Variants in DPP10 observed in about 807,000 individuals in gnomAD.
DPP10 encodes inactive dipeptidyl peptidase 10.
Under a neutral mutation model 120.9 loss-of-function variants are expected in DPP10, and 33 were observed. That is an observed-to-expected ratio of 0.27 (90% CI 0.21 to 0.37). The LOEUF (loss-of-function observed/expected upper bound fraction) is 0.37. Among genes scored for constraint, DPP10 ranks in the 10% least tolerant of loss-of-function variants. The pLI, the probability that DPP10 is intolerant of heterozygous loss-of-function variation, is 1.00. For synonymous variants in DPP10, 337 were observed against 326.1 expected (o/e 1.03, Z -0.36); for missense variants, 816 against 942.8 (o/e 0.87, Z 1.76).
At position 115,320,348 on chromosome 2, in the gene DPP10, T is replaced by G. The variant is rs374929879; in HGVS notation, c.175+10995T>G. Among the ~76,000 whole-genome samples, 68 of 152,300 alleles carry G rather than the reference T, an allele frequency of 4.5e-4. 2 individuals are homozygous for G. In the South Asian group the frequency reaches 0.014, roughly 31 times the overall value. ...AGAATTACATTTATTTACATTTAAT[T>G]TCTTAAAATGAAGTAATTGTTTCAT... is the stretch of plus-strand genomic sequence containing the variant. On this transcript the variant is annotated intron_variant, in intron 2 of 25. Coordinates refer to ENST00000410059, the MANE Select transcript of DPP10 (RefSeq NM_020868.6).
At chr2:115,309,577 A>G (rs2061497912) in intron 2 of DPP10, among the ~76,000 whole-genome samples, 1 of 152,128 alleles carries the variant, frequency 6.6e-6, no homozygotes, top group Non-Finnish European at 1.5e-5. Context: ...AAAATATGTA[A>G]GTTGAGAATG....
intron 1 of DPP10, among the ~76,000 whole-genome samples, chr2:115,009,858 A>G (rs935304302): frequency 3.9e-5 from 6 of 152,206 alleles, no homozygotes; most frequent in Middle Eastern, 3.2e-3. Flanking sequence ...CATGATGTAC[A>G]TTCACTACTC....
At chr2:115,624,933 C>G (rs2149295162) in intron 5 of DPP10, among the ~76,000 whole-genome samples, 1 of 152,172 alleles carries the variant, frequency 6.6e-6, no homozygotes, top group South Asian at 2.1e-4. Context: ...GGGGTTATAA[C>G]TGGTAAATCC....
chr2:114,984,683 T>C (rs1293927585), intron 1 of DPP10, among the ~76,000 whole-genome samples: 1 of 152,174 alleles, frequency 6.6e-6, no homozygotes. Flanking sequence ...AAGGAACCCA[T>C]CAGGCACCAT....
At chr2:115,506,012 C>T (rs66464531) in intron 4 of DPP10, among the ~76,000 whole-genome samples, 32,098 of 151,476 alleles carry the variant, frequency 0.21, 3,905 homozygotes, top group East Asian at 0.39. Flanking sequence ...TAATAAAACA[C>T]TCAGTGTTTT....
rs1369942484 is a variant in DPP10, at chr2:114,532,274, TATATATATATATATATATATATACAC to T, written c.60+89438_60+89463del. On this transcript the variant is annotated intron_variant, in intron 1 of 25. Transcript: ENST00000410059. ...AAATCTCCATATATATATATATATA[TATATATATATATATATATATATACAC>T]ACACACACACACACACAGATACACA... is the stretch of plus-strand genomic sequence containing the variant. Among the ~76,000 whole-genome samples, 192 of 43,832 alleles carry T rather than the reference TATATATATATATATATATATATACAC, an allele frequency of 4.4e-3. 1 individual carries two copies. The East Asian group carries it at 0.071, about 16-fold the overall frequency. The allele number at this position is 43,832 out of a possible 152,430, so 28.8% of individuals were successfully genotyped here.
chr2:115,283,278 C>T (rs957053626), intron 1 of DPP10, among the ~76,000 whole-genome samples: 2 of 151,918 alleles, frequency 1.3e-5, no homozygotes, highest in Non-Finnish European at 2.9e-5. Flanking sequence ...ACAGCTTAAA[C>T]CTGAATTTGT....
intron 1 of DPP10, among the ~76,000 whole-genome samples, chr2:114,497,392 C>T (rs1188728591): frequency 2.1e-4 from 28 of 130,656 alleles, no homozygotes; most frequent in African/African-American, 7.1e-4. Context: ...TATACATACA[C>T]ATACATATAC....
At chr2:115,317,530 T>C (rs562184650) in intron 2 of DPP10, among the ~76,000 whole-genome samples, 1 of 152,308 alleles carries the variant, frequency 6.6e-6, no homozygotes, top group South Asian at 2.1e-4. Flanking sequence ...TGTTTAAATG[T>C]CTGAAGAACT....
chr2:115,329,382 G>A (rs1172343811), intron 2 of DPP10, among the ~76,000 whole-genome samples: 2 of 152,042 alleles, frequency 1.3e-5, no homozygotes, highest in Admixed American at 6.6e-5. Flanking sequence ...TAAGGAGTAT[G>A]TATTATTAGG....
chr2:115,165,110 C>T (rs1024540240), intron 1 of DPP10, among the ~76,000 whole-genome samples: 1 of 152,176 alleles, frequency 6.6e-6, no homozygotes, highest in Non-Finnish European at 1.5e-5. Context: ...ACTCTAGTGG[C>T]TAATTGTAAT....
At chr2:114,986,968 T>C (rs1700438861) in intron 1 of DPP10, among the ~76,000 whole-genome samples, 1 of 152,032 alleles carries the variant, frequency 6.6e-6, no homozygotes, top group Non-Finnish European at 1.5e-5. Context: ...TTAGTAAAGA[T>C]GTGGTTTCAC....
chr2:115,057,866 C>A (rs897557867), intron 1 of DPP10, among the ~76,000 whole-genome samples: 1 of 152,130 alleles, frequency 6.6e-6, no homozygotes, highest in Non-Finnish European at 1.5e-5. Flanking sequence ...ATGGGCTAGG[C>A]CAGACCTTCC....
At chr2:115,272,161 T>A (rs2105817085) in intron 1 of DPP10, among the ~76,000 whole-genome samples, 1 of 152,336 alleles carries the variant, frequency 6.6e-6, no homozygotes, top group Non-Finnish European at 1.5e-5. Context: ...ATCATTCATA[T>A]AACTTTATTA....
intron 1 of DPP10, among the ~76,000 whole-genome samples, chr2:114,589,274 G>T (rs1691261234): frequency 6.6e-6 from 1 of 152,174 alleles, no homozygotes; most frequent in Non-Finnish European, 1.5e-5. Flanking sequence ...GGCCCAGCCT[G>T]TGGAGTGTTC....
At chr2:114,678,748 G>T (rs1261547237) in intron 1 of DPP10, among the ~76,000 whole-genome samples, 4 of 151,858 alleles carry the variant, frequency 2.6e-5, no homozygotes, top group Admixed American at 2.6e-4. Context: ...TTAATTGATT[G>T]AATATTACTA....
intron 9 of DPP10, among the ~76,000 whole-genome samples, chr2:115,740,273 A>T (rs62155341): frequency 0.081 from 12,359 of 152,146 alleles, 669 homozygotes; most frequent in Non-Finnish European, 0.12. Flanking sequence ...ATGGTCAAAT[A>T]CATTGGAAGT....
At chr2:114,753,181 A>C (rs1258914313) in intron 1 of DPP10, among the ~76,000 whole-genome samples, 6 of 152,146 alleles carry the variant, frequency 3.9e-5, no homozygotes, top group Admixed American at 1.3e-4. Flanking sequence ...CTCAAGAAAG[A>C]TCAGGTAGGA....
chr2:114,501,906 T>C (rs1341711098), intron 1 of DPP10, among the ~76,000 whole-genome samples: 1 of 150,874 alleles, frequency 6.6e-6, no homozygotes. Context: ...ATACGATTTA[T>C]ATGAGAAAAA....
Sources: gnomAD v4.1 joint callset for allele counts (sites outside exome capture counted in the v4.1 genomes callset) on GRCh38, gnomAD v4.1.1 for gene constraint, MANE v1.5 for transcripts, NCBI Gene and HGNC (gene_info 2026-07-23, HGNC 2026-07-21) for gene names.